Variants in CSTPP1 observed in about 807,000 individuals in gnomAD.
The protein encoded by CSTPP1 is UPF0705 protein C11orf49.
the CSTPP1 span, among the ~76,000 whole-genome samples, chr11:47,082,954 G>T: frequency 2.6e-5 from 4 of 152,050 alleles, no homozygotes; most frequent in Admixed American, 2.6e-4. Flanking sequence ...GTGCCATAGT[G>T]GTTTGCTGCA....
chr11:47,121,147 T>C, the CSTPP1 span, among the ~76,000 whole-genome samples: 1 of 152,218 alleles, frequency 6.6e-6, no homozygotes, highest in Non-Finnish European at 1.5e-5. Flanking sequence ...ACCCTAAATG[T>C]ATCCAGATTA....
At chr11:47,004,121 C>G in the CSTPP1 span, among the ~76,000 whole-genome samples, 1 of 149,730 alleles carries the variant, frequency 6.7e-6, no homozygotes. Context: ...ACTTTTTAGT[C>G]TCTCTTTTGT....
At chr11:47,049,059 C>T in the CSTPP1 span, among the ~76,000 whole-genome samples, 5 of 152,204 alleles carry the variant, frequency 3.3e-5, no homozygotes, top group African/African-American at 1.2e-4. Flanking sequence ...GATCACAGCT[C>T]ACTGCAGCCT....
the CSTPP1 span, among the ~76,000 whole-genome samples, chr11:46,964,851 GAGGACATGGGAGATCAGTCCCAA>G: frequency 2.7e-3 from 418 of 152,252 alleles, 2 homozygotes; most frequent in African/African-American, 9.5e-3. Context: ...TGCTGAAGCT[GAGGACATGGGAGATCAGTCCCAA>G]ATTCATCTCC....
the CSTPP1 span, among the ~76,000 whole-genome samples, chr11:47,012,074 A>G: frequency 2.0e-5 from 3 of 152,020 alleles, no homozygotes; most frequent in African/African-American, 4.8e-5. Context: ...CAGGAGTTCA[A>G]GACCAACCTG....
At chr11:46,970,846 T>A in the CSTPP1 span, among the ~76,000 whole-genome samples, 2 of 152,066 alleles carry the variant, frequency 1.3e-5, no homozygotes, top group Non-Finnish European at 2.9e-5. Context: ...TTCATAAAGG[T>A]GAAAAATTAG....
At chr11:46,964,382 T>G in the CSTPP1 span, among the ~76,000 whole-genome samples, 1 of 151,710 alleles carries the variant, frequency 6.6e-6, no homozygotes, top group Non-Finnish European at 1.5e-5. Context: ...GCCTCCCGGG[T>G]TCACGCCATT....
the CSTPP1 span, among the ~76,000 whole-genome samples, chr11:47,159,459 G>A: frequency 2.0e-5 from 3 of 151,398 alleles, no homozygotes; most frequent in Non-Finnish European, 4.4e-5. Flanking sequence ...GCGGTGAGCC[G>A]AGATCACGCC....
At chr11:47,140,588 C>T in the CSTPP1 span, among the ~76,000 whole-genome samples, 7 of 151,812 alleles carry the variant, frequency 4.6e-5, no homozygotes, top group Non-Finnish European at 1.0e-4. Flanking sequence ...GCACACCATG[C>T]CCGGCTAATT....
At chr11:47,082,208 G>A in the CSTPP1 span, among the ~76,000 whole-genome samples, 8 of 147,604 alleles carry the variant, frequency 5.4e-5, no homozygotes, top group Non-Finnish European at 9.0e-5. Flanking sequence ...ACCACAGAAA[G>A]ATGTTCTTAC....
chr11:47,110,583 T>G, the CSTPP1 span, among the ~76,000 whole-genome samples: 1 of 152,164 alleles, frequency 6.6e-6, no homozygotes, highest in Non-Finnish European at 1.5e-5. Flanking sequence ...ACTACAAACT[T>G]CCTGGCCAAA....
chr11:46,989,063 C>T, the CSTPP1 span, among the ~76,000 whole-genome samples: 4 of 151,760 alleles, frequency 2.6e-5, no homozygotes, highest in Non-Finnish European at 5.9e-5. Flanking sequence ...AACCCCATCT[C>T]TACTAAAAAT....
At chr11:47,073,884 AATTCATT>A in the CSTPP1 span, among the ~76,000 whole-genome samples, 1 of 152,172 alleles carries the variant, frequency 6.6e-6, no homozygotes, top group South Asian at 2.1e-4. Context: ...TACTATGAAA[AATTCATT>A]ATTTTAGTGT....
chr11:47,135,980 T>C, the CSTPP1 span, among the ~76,000 whole-genome samples: 1 of 151,770 alleles, frequency 6.6e-6, no homozygotes, highest in Non-Finnish European at 1.5e-5. Flanking sequence ...TAAGTAACTC[T>C]CTCTCTCTCT....
chr11:46,936,989 G>T, the CSTPP1 span: 1 of 1,197,722 alleles, frequency 8.3e-7, no homozygotes, highest in African/African-American at 1.6e-5. Flanking sequence ...GGGGTTCCAG[G>T]GCCTGAGCCT....
chr11:46,961,263 G>A, the CSTPP1 span, among the ~76,000 whole-genome samples: 1 of 152,118 alleles, frequency 6.6e-6, no homozygotes, highest in African/African-American at 2.4e-5. Flanking sequence ...AGCCATCCTA[G>A]TGCATGTGAA....
chr11:47,117,231 G>A, the CSTPP1 span, among the ~76,000 whole-genome samples: 30 of 152,256 alleles, frequency 2.0e-4, no homozygotes, highest in African/African-American at 6.5e-4. Flanking sequence ...TCAAAGCATC[G>A]ATGGTCTTTA....
the CSTPP1 span, among the ~76,000 whole-genome samples, chr11:46,939,371 G>A: frequency 6.6e-6 from 1 of 151,910 alleles, no homozygotes; most frequent in Non-Finnish European, 1.5e-5. Context: ...TTACAGGCGT[G>A]AGCCACCGCG....
chr11:47,068,240 G>A, the CSTPP1 span, among the ~76,000 whole-genome samples: 2 of 152,078 alleles, frequency 1.3e-5, no homozygotes, highest in Non-Finnish European at 2.9e-5. Context: ...AAAACTGCAT[G>A]TGTAATTTTG....
Sources: gnomAD v4.1 joint callset for allele counts (sites outside exome capture counted in the v4.1 genomes callset) on GRCh38, gnomAD v4.1.1 for gene constraint, MANE v1.5 for transcripts, NCBI Gene and HGNC (gene_info 2026-07-23, HGNC 2026-07-21) for gene names.